ABHD16B: variants seen among roughly 807,000 people sequenced by gnomAD.
ABHD16B encodes the protein abhydrolase domain containing 16B, also known as abhydrolase domain-containing protein 16B.
In ABHD16B, 14 loss-of-function variants were observed where a neutral mutation model predicts 10.5. That is an observed-to-expected ratio of 1.33 (90% CI 0.88 to 2.08). The LOEUF (loss-of-function observed/expected upper bound fraction) is 2.08, where lower values mean the gene tolerates loss of function less well. ABHD16B is among the 30% of genes most tolerant of loss of function. The pLI is 0.00. For synonymous variants in ABHD16B, 374 were observed against 337.9 expected (o/e 1.11, Z -1.17); for missense variants, 763 against 717.4 (o/e 1.06, Z -0.73).
Position 63,862,161 on chromosome 20 carries a change from C to T in ABHD16B, c.621C>T (p.Phe207=), listed in dbSNP as rs199853129. ...YSVLGWNHPG[F]GSSTGVPFPQ... ...TGCTGGGCTGGAACCACCCCGGCTT[C>T]GGCAGCAGCACTGGCGTGCCCTTCC... Residue 207 remains phenylalanine (F), a synonymous_variant, in exon 1 of 1, where the codon TTC becomes TTT. Transcript: ENST00000369916. This position sits in a 1 kb window ranked among gnomAD's most constrained non-coding sequence, Gnocchi z 7.5. 8.7e-6 allele frequency: 14 copies of T among 1,611,350 alleles called. No homozygotes were observed. The African/African-American group carries it at 9.3e-5, about 11-fold the overall frequency.
In ABHD16B at chr20:63,862,558, G is replaced by A. The variant is rs781355868; in HGVS notation, c.1018G>A (p.Glu340Lys). Residue 340 changes from glutamate (E) to lysine (K), a missense_variant, in exon 1 of 1, where the codon GAG becomes AAG. Transcript: ENST00000369916. This position sits in a 1 kb window ranked among gnomAD's most constrained non-coding sequence, Gnocchi z 7.5. ...RLRPLSPGDVEGNRGNELLLR... is the reference protein window; with the variant it reads ...RLRPLSPGDVKGNRGNELLLR... ...GCGCCCCCTGTCACCTGGTGACGTGGAGGGCAACCGGGGCAATGAGCTGCT... is the reference window on the plus strand; with the variant it reads ...GCGCCCCCTGTCACCTGGTGACGTGAAGGGCAACCGGGGCAATGAGCTGCT... The A allele has an allele frequency of 2.5e-6, 4 of 1,571,744 alleles. No homozygotes were observed. In the African/African-American group the frequency reaches 4.0e-5, roughly 16 times the overall value.
chr20:63,862,456 C>G lies in ABHD16B; in HGVS notation c.916C>G (p.Gln306Glu), dbSNP rs2052098140. 1 of 1,568,286 alleles carries G rather than the reference C, an allele frequency of 6.4e-7. No individual in the cohort carries two copies. The highest frequency in any genetic ancestry group is 1.3e-5 in the African/African-American group (1 of 74,176). The change falls in exon 1 of 1, where the codon CAG (glutamine) becomes GAG (glutamate). Residue 306 changes from glutamine to glutamate, a missense_variant. By Grantham distance (29) the Gln-to-Glu change is conservative. Coordinates refer to ENST00000369916, the MANE Select transcript of ABHD16B (RefSeq NM_080622.4). This position sits in a 1 kb window ranked among gnomAD's most constrained non-coding sequence, Gnocchi z 7.5. ...GCACTTCAACCTCAACGTGGCCGAG[C>G]AGCTGTGCTGCTACCCGGGGCCGGT... ...REHFNLNVAEQLCCYPGPVLL... is the reference protein window; with the variant it reads ...REHFNLNVAEELCCYPGPVLL...
chr20:63,861,577 G>A lies in ABHD16B; in HGVS notation c.37G>A (p.Val13Met). ...VICFVKALVRVFKIYLTASYT... is the reference protein window; with the variant it reads ...VICFVKALVRMFKIYLTASYT... The stretch of plus-strand genomic sequence containing the variant: ...CTGCTTCGTGAAGGCGCTGGTGCGC[G>A]TGTTCAAGATCTACCTGACCGCCAG... Residue 13 changes from valine (V) to methionine (M), a missense_variant, in exon 1 of 1, where the codon GTG becomes ATG. Coordinates refer to ENST00000369916, the MANE Select transcript of ABHD16B (RefSeq NM_080622.4). The surrounding 1 kb of genome is among the most constrained non-coding windows in gnomAD (Gnocchi z 5.4). The A allele has an allele frequency of 1.9e-6, 3 of 1,559,998 alleles. No homozygotes were observed. Among genetic ancestry groups the A allele is most frequent in the South Asian group, 1.2e-5 (1 of 85,242 alleles).
Position 63,861,952 on chromosome 20 carries a change from T to C in ABHD16B, c.412T>C (p.Tyr138His), listed in dbSNP as rs761734337. The stretch of plus-strand genomic sequence containing the variant: ...GGGCCAAGAGCGCCTCGTGGAGCGC[T>C]ACCACGGCCGGCGCGCCAAGCTGGT... ...QQGQERLVER[Y>H]HGRRAKLVAC... is the part of the protein sequence containing the mutation. Residue 138 changes from tyrosine (Y) to histidine (H), a missense_variant, in exon 1 of 1, where the codon TAC becomes CAC. Physicochemically the swap from Tyr to His is moderately conservative, Grantham distance 83. Coordinates refer to ENST00000369916, the MANE Select transcript of ABHD16B (RefSeq NM_080622.4). The surrounding 1 kb of genome is among the most constrained non-coding windows in gnomAD (Gnocchi z 5.4). 1.9e-6 allele frequency: 3 copies of C among 1,597,618 alleles called. No homozygotes were observed. The highest frequency in any genetic ancestry group is 1.3e-5 in the African/African-American group (1 of 74,598).
rs2052097271 is a variant in ABHD16B at position 63,862,389 on chromosome 20, GC to G, written c.853del (p.His285ThrfsTer75). 1.2e-6 allele frequency: 2 copies of G among 1,604,040 alleles called. No homozygotes were observed. Among genetic ancestry groups the G allele is most frequent in the Non-Finnish European group, 8.5e-7 (1 of 1,176,490 alleles). On this transcript the variant is annotated frameshift_variant, in exon 1 of 1. Transcript: ENST00000369916. LOFTEE classifies it low-confidence loss of function (END_TRUNC). This position sits in a 1 kb window ranked among gnomAD's most constrained non-coding sequence, Gnocchi z 7.5. ...TTGTGCCGCTGGCGCTGAAGGTCAT[GC>G]CCCACAGTTGGAAGGGGCTGGTGGT... ...DLVPLALKVMPHSWKGLVVRT... is the reference protein window; with the variant it reads ...DLVPLALKVMXHSWKGLVVRT...
Position 63,861,837 on chromosome 20 carries a change from C to G in ABHD16B, c.297C>G (p.Ser99Arg), listed in dbSNP as rs1293734827. The G allele has an allele frequency of 6.5e-7, 1 of 1,535,600 alleles. No individual in the cohort carries two copies. The highest frequency in any genetic ancestry group is 2.0e-5 in the Admixed American group (1 of 50,364). The change falls in exon 1 of 1, where the codon AGC becomes AGG. Residue 99 changes from serine (S) to arginine (R), a missense_variant. Ser to Arg is a moderately radical substitution (Grantham distance 110, BLOSUM62 -1). Coordinates refer to ENST00000369916, the MANE Select transcript of ABHD16B (RefSeq NM_080622.4). The surrounding 1 kb of genome is among the most constrained non-coding windows in gnomAD (Gnocchi z 5.4). ...QLRELPGQLA[S>R]YALAHSLGRW... The stretch of plus-strand genomic sequence containing the variant: ...GCGAGCTGCCCGGCCAGCTCGCTAG[C>G]TACGCGCTGGCCCACTCGCTGGGCC...
rs761871122 is a variant in ABHD16B, at chr20:63,862,523, C to T, written c.983C>T (p.Ser328Leu). 15 of 1,568,922 alleles carry T rather than the reference C, an allele frequency of 9.6e-6. No homozygotes were observed. The Admixed American group carries it at 1.3e-4, about 13-fold the overall frequency. ...ACGCAGGATGACGTGGTCAGCACTT[C>T]GGGCCGCCTGCGCCCCCTGTCACCT... The part of the protein sequence containing the change: ...RRTQDDVVST[S>L]GRLRPLSPGD... Residue 328 changes from serine to leucine, a missense_variant, in exon 1 of 1, where the codon TCG (serine) becomes TTG (leucine). Coordinates refer to ENST00000369916, the MANE Select transcript of ABHD16B (RefSeq NM_080622.4). This position sits in a 1 kb window ranked among gnomAD's most constrained non-coding sequence, Gnocchi z 7.5.
chr20:63,861,885 C>G lies in ABHD16B; in HGVS notation c.345C>G (p.Ser115=), dbSNP rs377218940. The G allele has an allele frequency of 6.3e-7, 1 of 1,579,454 alleles. No individual in the cohort carries two copies. Among genetic ancestry groups the G allele is most frequent in the East Asian group, 2.3e-5 (1 of 43,810 alleles). The change falls in exon 1 of 1, where the codon TCC becomes TCG. Residue 115 remains serine (S), a synonymous_variant. Transcript: ENST00000369916. This position sits in a 1 kb window ranked among gnomAD's most constrained non-coding sequence, Gnocchi z 5.4. ...SLGRWLVYPG[S]VSLMTRALLP... is the part of the protein sequence containing the mutation. The stretch of plus-strand genomic sequence containing the variant: ...GCCGCTGGCTCGTGTACCCCGGCTC[C>G]GTGTCCCTGATGACGCGCGCGCTGC...
Position 63,862,229 on chromosome 20 carries a change from C to T in ABHD16B, c.689C>T (p.Ala230Val). Residue 230 changes from alanine to valine, a missense_variant, in exon 1 of 1, where the codon GCA becomes GTA. Coordinates refer to ENST00000369916, the MANE Select transcript of ABHD16B (RefSeq NM_080622.4). This position sits in a 1 kb window ranked among gnomAD's most constrained non-coding sequence, Gnocchi z 7.5. ...ANAMDVVVEY[A>V]LHRLHFPPAH... ...GCCATGGACGTGGTGGTCGAGTACG[C>T]ACTGCACCGCCTGCACTTCCCGCCC... is the stretch of plus-strand genomic sequence containing the variant. 1 of 1,611,692 alleles carries T rather than the reference C, an allele frequency of 6.2e-7. No homozygotes were observed.
chr20:63,861,840 C>T lies in ABHD16B; in HGVS notation c.300C>T (p.Tyr100=), dbSNP rs781773185. The T allele has an allele frequency of 7.2e-6, 11 of 1,538,050 alleles. No homozygotes were observed. In the East Asian group the frequency reaches 7.3e-5, roughly 10 times the overall value. ...AGCTGCCCGGCCAGCTCGCTAGCTA[C>T]GCGCTGGCCCACTCGCTGGGCCGCT... The part of the protein sequence containing the change: ...LRELPGQLAS[Y]ALAHSLGRWL... Residue 100 remains tyrosine, a synonymous_variant, in exon 1 of 1, where the codon TAC becomes TAT. Transcript: ENST00000369916. This position sits in a 1 kb window ranked among gnomAD's most constrained non-coding sequence, Gnocchi z 5.4.
In ABHD16B at chr20:63,862,487, T is replaced by G. The variant is rs769501372; in HGVS notation, c.947T>G (p.Leu316Arg). ...QLCCYPGPVL[L>R]LRRTQDDVVS... ...TGCTGCTACCCGGGGCCGGTGCTGC[T>G]GCTCCGACGCACGCAGGATGACGTG... The change falls in exon 1 of 1, where the codon CTG becomes CGG. Residue 316 changes from leucine to arginine, a missense_variant. Coordinates refer to ENST00000369916, the MANE Select transcript of ABHD16B (RefSeq NM_080622.4). The surrounding 1 kb of genome is among the most constrained non-coding windows in gnomAD (Gnocchi z 7.5). 10 of 1,564,586 alleles carry G rather than the reference T, an allele frequency of 6.4e-6. No homozygotes were observed. The East Asian group carries it at 2.1e-4, about 33-fold the overall frequency.
rs767369545 is a variant in ABHD16B, at chr20:63,861,579, G to A, written c.39G>A (p.Val13=). 4.5e-6 allele frequency: 7 copies of A among 1,560,632 alleles called. No individual in the cohort carries two copies. The South Asian group carries it at 8.2e-5, about 18-fold the overall frequency. The part of the protein sequence containing the change: ...VICFVKALVR[V]FKIYLTASYT... The stretch of plus-strand genomic sequence containing the variant: ...GCTTCGTGAAGGCGCTGGTGCGCGT[G>A]TTCAAGATCTACCTGACCGCCAGCT... The change falls in exon 1 of 1, where the codon GTG becomes GTA. Residue 13 remains valine (V), a synonymous_variant. Transcript: ENST00000369916. This position sits in a 1 kb window ranked among gnomAD's most constrained non-coding sequence, Gnocchi z 5.4.
rs754568240 is a variant in ABHD16B at position 63,862,060 on chromosome 20, G to A, written c.520G>A (p.Val174Ile). The A allele has an allele frequency of 5.0e-6, 8 of 1,610,602 alleles. No homozygotes were observed. Among genetic ancestry groups the A allele is most frequent in the East Asian group, 4.5e-5 (2 of 44,826 alleles). The change falls in exon 1 of 1, where the codon GTC becomes ATC. Residue 174 changes from valine to isoleucine, a missense_variant. Val to Ile is a conservative substitution (Grantham distance 29, BLOSUM62 3). Coordinates refer to ENST00000369916, the MANE Select transcript of ABHD16B (RefSeq NM_080622.4). The surrounding 1 kb of genome is among the most constrained non-coding windows in gnomAD (Gnocchi z 7.5). ...PGSHVHGPRL[V>I]ICCEGNAGFY... ...CAGCCACGTGCACGGGCCGCGCCTC[G>A]TCATCTGCTGCGAAGGCAACGCGGG...
chr20:63,862,222 G>C lies in ABHD16B; in HGVS notation c.682G>C (p.Glu228Gln), dbSNP rs145286613. ...CGCCAACGCCATGGACGTGGTGGTC[G>C]AGTACGCACTGCACCGCCTGCACTT... ...HDANAMDVVV[E>Q]YALHRLHFPP... The change falls in exon 1 of 1, where the codon GAG becomes CAG. Residue 228 changes from glutamate to glutamine, a missense_variant. Transcript: ENST00000369916. The surrounding 1 kb of genome is among the most constrained non-coding windows in gnomAD (Gnocchi z 7.5). 4 of 1,611,328 alleles carry C rather than the reference G, an allele frequency of 2.5e-6. No individual in the cohort carries two copies. In the Admixed American group the frequency reaches 5.0e-5, roughly 20 times the overall value.
At position 63,861,569 on chromosome 20, in the gene ABHD16B, T is replaced by C. The variant is rs2281534; in HGVS notation, c.29T>C (p.Leu10Pro). Residue 10 changes from leucine (L) to proline (P), a missense_variant, in exon 1 of 1, where the codon CTG (leucine) becomes CCG (proline). Physicochemically the swap from Leu to Pro is moderately conservative, Grantham distance 98 (BLOSUM62 -3). Transcript: ENST00000369916. This position sits in a 1 kb window ranked among gnomAD's most constrained non-coding sequence, Gnocchi z 5.4. MCVICFVKA[L>P]VRVFKIYLTA... ...TGCGTCATCTGCTTCGTGAAGGCGC[T>C]GGTGCGCGTGTTCAAGATCTACCTG... The C allele has an allele frequency of 9.6e-6, 15 of 1,557,930 alleles. No homozygotes were observed. The highest frequency in any genetic ancestry group is 1.1e-5 in the Non-Finnish European group (13 of 1,153,776).
rs1388866842 is a variant in ABHD16B at position 63,861,951 on chromosome 20, C to T, written c.411C>T (p.Arg137=). ...AGGGCCAAGAGCGCCTCGTGGAGCG[C>T]TACCACGGCCGGCGCGCCAAGCTGG... is the stretch of plus-strand genomic sequence containing the variant. ...LQQGQERLVE[R]YHGRRAKLVA... Residue 137 remains arginine, a synonymous_variant, in exon 1 of 1, where the codon CGC becomes CGT. Transcript: ENST00000369916. The surrounding 1 kb of genome is among the most constrained non-coding windows in gnomAD (Gnocchi z 5.4). The T allele has an allele frequency of 6.3e-7, 1 of 1,597,740 alleles. No individual in the cohort carries two copies. Among genetic ancestry groups the T allele is most frequent in the Non-Finnish European group, 8.5e-7 (1 of 1,178,276 alleles).
rs1282596979 is a variant in ABHD16B at position 63,862,383 on chromosome 20, G to A, written c.843G>A (p.Lys281=). 11 of 1,606,080 alleles carry A rather than the reference G, an allele frequency of 6.8e-6. No homozygotes were observed. Among genetic ancestry groups the A allele is most frequent in the Non-Finnish European group, 9.3e-6 (11 of 1,177,310 alleles). ...TFDDLVPLAL[K]VMPHSWKGLV... ...ACGACCTTGTGCCGCTGGCGCTGAAGGTCATGCCCCACAGTTGGAAGGGGC... is the reference window on the plus strand; with the variant it reads ...ACGACCTTGTGCCGCTGGCGCTGAAAGTCATGCCCCACAGTTGGAAGGGGC... The change falls in exon 1 of 1, where the codon AAG becomes AAA. Residue 281 remains lysine (K), a synonymous_variant. Coordinates refer to ENST00000369916, the MANE Select transcript of ABHD16B (RefSeq NM_080622.4). The surrounding 1 kb of genome is among the most constrained non-coding windows in gnomAD (Gnocchi z 7.5).
At position 63,862,577 on chromosome 20, in the gene ABHD16B, A is replaced by AGCT. The variant is rs1568929064; in HGVS notation, c.1046_1048dup (p.Leu349dup). The AGCT allele has an allele frequency of 2.6e-6, 4 of 1,566,278 alleles. No homozygotes were observed. The highest frequency in any genetic ancestry group is 2.3e-5 in the South Asian group (2 of 86,618). ...GACGTGGAGGGCAACCGGGGCAATGAGCTGCTGCTGCGCCTGCTGGAGCAC... is the reference window on the plus strand; with the variant it reads ...GACGTGGAGGGCAACCGGGGCAATGAGCTGCTGCTGCTGCGCCTGCTGGAGCAC... On this transcript the variant is annotated inframe_insertion, in exon 1 of 1. Coordinates refer to ENST00000369916, the MANE Select transcript of ABHD16B (RefSeq NM_080622.4). This position sits in a 1 kb window ranked among gnomAD's most constrained non-coding sequence, Gnocchi z 7.5.
In ABHD16B at chr20:63,862,871, G is replaced by C. The variant is rs200473920; in HGVS notation, c.1331G>C (p.Arg444Pro). 12 of 1,541,244 alleles carry C rather than the reference G, an allele frequency of 7.8e-6. No homozygotes were observed. The highest frequency in any genetic ancestry group is 1.4e-5 in the African/African-American group (1 of 72,684). The change falls in exon 1 of 1, where the codon CGG becomes CCG. Residue 444 changes from arginine (R) to proline (P), a missense_variant. Coordinates refer to ENST00000369916, the MANE Select transcript of ABHD16B (RefSeq NM_080622.4). The surrounding 1 kb of genome is among the most constrained non-coding windows in gnomAD (Gnocchi z 7.5). ...CGGCGCCTCGCACTGTTCCTGGCTC[G>C]GAAGCACCTCAAGAACGTGGAGGCG... ...RRRRLALFLA[R>P]KHLKNVEATH...
Sources: gnomAD v4.1 joint callset for allele counts on GRCh38, gnomAD v4.1.1 for gene constraint, Gnocchi (gnomAD v3.1) non-coding constraint, MANE v1.5 for transcripts, NCBI Gene and HGNC (gene_info 2026-07-23, HGNC 2026-07-21) for gene names.